Variants in CPNE1 observed in about 807,000 individuals in gnomAD.
CPNE1 encodes copine 1.
Under a neutral mutation model 63.2 loss-of-function variants are expected in CPNE1, and 58 were observed. The ratio of observed to expected loss-of-function variants is 0.92; its 90% confidence interval spans 0.74 to 1.14. CPNE1 has a LOEUF of 1.14. Among genes scored for constraint, CPNE1 ranks in the 50% most tolerant of loss-of-function variants. The probability of loss-of-function intolerance (pLI) is 0.00; values close to 1 mark genes in which losing one functional copy is unlikely to be tolerated. For missense variants in CPNE1, 672 were observed against 661.7 expected, an observed-to-expected ratio of 1.02 and a Z score of -0.17; for synonymous variants, 237 against 249.0, an observed-to-expected ratio of 0.95 and a Z score of 0.45.
At chr20:35,642,411 A>G (rs2032863065) in intron 1 of CPNE1, among the ~76,000 whole-genome samples, 1 of 152,180 alleles carries the variant, frequency 6.6e-6, no homozygotes. Flanking sequence ...TGTCATGCTC[A>G]CACTCCTATT....
chr20:35,626,683 C>T lies in CPNE1; in HGVS notation c.1357G>A (p.Ala453Thr). Reference sequence around the variant, plus strand: ...AGCTGCTCCATGGCCTCAAAGTCAGCACCACCCACACCCACAATGATCACT... The same window carrying T: ...AGCTGCTCCATGGCCTCAAAGTCAGTACCACCCACACCCACAATGATCACT... ...MSVIIVGVGG[A>T]DFEAMEQLDA... The change falls in exon 15 of 16, where the codon GCT becomes ACT. Residue 453 changes from alanine (A) to threonine (T), a missense_variant. Ala to Thr is a moderately conservative substitution (Grantham distance 58). Coordinates refer to ENST00000397443, the MANE Select transcript of CPNE1 (RefSeq NM_152925.3). 1 of 1,614,198 alleles carries T rather than the reference C, an allele frequency of 6.2e-7. No homozygotes were observed. Among genetic ancestry groups the T allele is most frequent in the Non-Finnish European group, 8.5e-7 (1 of 1,180,030 alleles).
chr20:35,662,516 C>T (rs1161948026), intron 1 of CPNE1, among the ~76,000 whole-genome samples: 2 of 152,126 alleles, frequency 1.3e-5, no homozygotes, highest in East Asian at 1.9e-4. Context: ...GTGGGCCAGA[C>T]AAAAGATATA....
At chr20:35,643,732 G>A (rs754034258) in intron 1 of CPNE1, among the ~76,000 whole-genome samples, 7 of 151,874 alleles carry the variant, frequency 4.6e-5, no homozygotes, top group East Asian at 1.9e-4. Flanking sequence ...ACTCTGTTGC[G>A]AAAACAAAAA....
intron 1 of CPNE1, among the ~76,000 whole-genome samples, chr20:35,638,587 C>T (rs2032622594): frequency 6.6e-6 from 1 of 151,226 alleles, no homozygotes; most frequent in African/African-American, 2.4e-5. Context: ...AACAGTCTGG[C>T]AGCTTATCAA....
intron 14 of CPNE1, 81 bp downstream of exon 14, chr20:35,627,199 A>AAAAAAC: frequency 8.1e-7 from 1 of 1,231,736 alleles, no homozygotes; most frequent in Non-Finnish European, 1.1e-6. Flanking sequence ...AAAAAAAAAA[A>AAAAAAC]AAAAAAAAAA....
At chr20:35,662,780 C>G (rs1337991726) in intron 1 of CPNE1, among the ~76,000 whole-genome samples, 1 of 152,168 alleles carries the variant, frequency 6.6e-6, no homozygotes, top group African/African-American at 2.4e-5. Context: ...CCCAAACTCT[C>G]AATACTCAAT....
At chr20:35,644,378 T>C (rs1355888946) in intron 1 of CPNE1, among the ~76,000 whole-genome samples, 5 of 152,192 alleles carry the variant, frequency 3.3e-5, no homozygotes, top group Non-Finnish European at 5.9e-5. Context: ...AGCTGCAGTG[T>C]AGAATCACTA....
At chr20:35,635,926 T>C (rs753124319) in intron 1 of CPNE1, among the ~76,000 whole-genome samples, 1 of 152,164 alleles carries the variant, frequency 6.6e-6, no homozygotes, top group African/African-American at 2.4e-5. Flanking sequence ...GTCCCAGTGA[T>C]AGAAAACCCA....
intron 1 of CPNE1, among the ~76,000 whole-genome samples, chr20:35,656,322 C>A (rs1325894376): frequency 6.6e-6 from 1 of 152,134 alleles, no homozygotes; most frequent in Non-Finnish European, 1.5e-5. Flanking sequence ...TCTGTGATCT[C>A]CTTAGATCAT....
chr20:35,653,139 AC>A (rs1396748213), intron 1 of CPNE1: 1 of 1,613,630 alleles, frequency 6.2e-7, no homozygotes. Context: ...CATTTGATCC[AC>A]CAAAATTACC....
At chr20:35,652,303 T>C in intron 1 of CPNE1, 1 of 496,368 alleles carries the variant, frequency 2.0e-6, no homozygotes, top group Non-Finnish European at 3.5e-6. Flanking sequence ...CCAAAATCAT[T>C]TATGTGTTCT....
intron 1 of CPNE1, chr20:35,652,619 C>T (rs759886363): frequency 6.2e-7 from 1 of 1,614,152 alleles, no homozygotes; most frequent in Non-Finnish European, 8.5e-7. Flanking sequence ...TCAAAGGCCA[C>T]CATGGCTTCA....
chr20:35,653,669 G>A, intron 1 of CPNE1: 1 of 1,614,156 alleles, frequency 6.2e-7, no homozygotes, highest in Non-Finnish European at 8.5e-7. Context: ...ATGCTGAATG[G>A]AATATTTGTT....
At position 35,652,811 on chromosome 20, in the gene CPNE1, T is replaced by C. The variant is rs371961881; in HGVS notation, c.-1+11949A>G. ...AAGCCAGGGGGACCACCAATATGGA[T>C]TGGGCCAGGGCCGGGGCCGGGGCCG... On this transcript the variant is annotated intron_variant, in intron 1 of 15. Transcript: ENST00000397443. The C allele has an allele frequency of 1.4e-5, 22 of 1,590,094 alleles. No individual in the cohort carries two copies. Among genetic ancestry groups the C allele is most frequent in the African/African-American group, 8.1e-5 (6 of 74,486 alleles).
At chr20:35,652,674 T>C in intron 1 of CPNE1, 2 of 1,614,154 alleles carry the variant, frequency 1.2e-6, no homozygotes, top group Non-Finnish European at 1.7e-6. Flanking sequence ...ACACTGAGCC[T>C]GGGATTACTT....
chr20:35,639,596 A>C (rs893100785), intron 1 of CPNE1, among the ~76,000 whole-genome samples: 3 of 152,198 alleles, frequency 2.0e-5, no homozygotes, highest in Non-Finnish European at 2.9e-5. Context: ...TTGGCCTCCC[A>C]AAGTGCTGGG....
At chr20:35,644,823 G>A (rs1325502551) in intron 1 of CPNE1, among the ~76,000 whole-genome samples, 1 of 152,168 alleles carries the variant, frequency 6.6e-6, no homozygotes, top group Non-Finnish European at 1.5e-5. Context: ...GACTGCTGGG[G>A]AAGGAAGGTA....
At chr20:35,655,326 G>A in intron 1 of CPNE1, 1 of 1,602,802 alleles carries the variant, frequency 6.2e-7, no homozygotes, top group Non-Finnish European at 8.5e-7. Context: ...CAGCCATGCT[G>A]CGCTGAAACC....
rs763074393 is a variant in CPNE1, at chr20:35,631,819, C to T, written c.538-42G>A. 8 of 1,572,790 alleles carry T rather than the reference C, an allele frequency of 5.1e-6. No individual in the cohort carries two copies. In the East Asian group the frequency reaches 6.7e-5, roughly 13 times the overall value. The stretch of plus-strand genomic sequence containing the variant: ...AGGCCTCCAGTGAGCTCTGGCATGG[C>T]CCCCTGAGGAGCTGCCACACTTCTC... On this transcript the variant is annotated intron_variant, in intron 6 of 15. Transcript: ENST00000397443.
Sources: allele counts gnomAD v4.1 joint callset (sites outside exome capture counted in the v4.1 genomes callset), GRCh38; gene constraint gnomAD v4.1.1; transcripts MANE v1.5; gene names NCBI Gene and HGNC (gene_info 2026-07-23, HGNC 2026-07-21).